GALNT1: variants seen among roughly 807,000 people sequenced by gnomAD.
GALNT1 encodes the protein GalNAc transferase 1.
In GALNT1, 17 loss-of-function variants were observed where a neutral mutation model predicts 65.7. The ratio of observed to expected loss-of-function variants is 0.26; its 90% CI spans 0.18 to 0.39. The LOEUF is 0.39. Among genes scored for constraint, GALNT1 ranks in the 10% least tolerant of loss-of-function variants. The probability of loss-of-function intolerance (pLI) is 1.00; values close to 1 mark genes in which losing one functional copy is unlikely to be tolerated. For synonymous variants in GALNT1, 210 were observed against 219.7 expected (o/e 0.96, Z 0.39); for missense variants, 460 against 672.8 (o/e 0.68, Z 3.50).
At chr18:35,687,289 G>A in intron 6 of GALNT1, 103 bp downstream of exon 6, 1 of 1,086,404 alleles carries the variant, frequency 9.2e-7, no homozygotes, top group Admixed American at 2.2e-5. Context: ...GAAACGTGAA[G>A]CATTCGTATA....
intron 1 of GALNT1, among the ~76,000 whole-genome samples, chr18:35,642,905 G>A (rs58596769): frequency 0.015 from 2,285 of 152,098 alleles, 25 homozygotes; most frequent in African/African-American, 0.026. Flanking sequence ...CCACTCATCT[G>A]TATGTCTCTG....
chr18:35,685,485 A>G (rs1015525736), intron 5 of GALNT1, among the ~76,000 whole-genome samples: 8 of 92,310 alleles, frequency 8.7e-5, no homozygotes, highest in African/African-American at 5.0e-4. Flanking sequence ...AGGATGGCTT[A>G]AAAAAAAAAA....
chr18:35,609,783 A>G (rs1332993946), intron 1 of GALNT1, among the ~76,000 whole-genome samples: 1 of 152,196 alleles, frequency 6.6e-6, no homozygotes, highest in African/African-American at 2.4e-5. Context: ...TTTGCTTAGT[A>G]TTAATACCCT....
At chr18:35,643,197 G>A (rs1396100175) in intron 1 of GALNT1, among the ~76,000 whole-genome samples, 1 of 152,084 alleles carries the variant, frequency 6.6e-6, no homozygotes, top group Non-Finnish European at 1.5e-5. Flanking sequence ...AATATGTGTG[G>A]CATTTTGTCA....
At chr18:35,661,407 G>A (rs1313018844) in intron 2 of GALNT1, among the ~76,000 whole-genome samples, 1 of 151,734 alleles carries the variant, frequency 6.6e-6, no homozygotes, top group Non-Finnish European at 1.5e-5. Context: ...GCTGAGACAG[G>A]ACAATTCGCT....
At chr18:35,697,363 GAGA>G (rs1461428685) in intron 9 of GALNT1, among the ~76,000 whole-genome samples, 1 of 152,180 alleles carries the variant, frequency 6.6e-6, no homozygotes, top group Non-Finnish European at 1.5e-5. Flanking sequence ...AAGTGCTGGG[GAGA>G]AGGAGGTAGA....
At chr18:35,663,831 T>C (rs774732464) in intron 3 of GALNT1, 29 bp downstream of exon 3, 2 of 1,596,470 alleles carry the variant, frequency 1.3e-6, no homozygotes, top group Non-Finnish European at 1.7e-6. Context: ...CCTGATAGTA[T>C]GTGAATGAAA....
intron 6 of GALNT1, 53 bp from the exon 7 acceptor site, chr18:35,689,120 C>CTGAT (rs1389782673): frequency 6.2e-5 from 73 of 1,175,518 alleles, no homozygotes; most frequent in East Asian, 1.9e-4. Context: ...AAAACAAAAA[C>CTGAT]TGATTGATTG....
intron 10 of GALNT1, 28 bp downstream of exon 10, chr18:35,703,023 G>C (rs752670038): frequency 1.5e-6 from 2 of 1,325,336 alleles, no homozygotes; most frequent in South Asian, 2.8e-5. Context: ...CTCTTAAAAG[G>C]GATAATTTTC....
At chr18:35,643,056 A>G (rs1459454384) in intron 1 of GALNT1, among the ~76,000 whole-genome samples, 2 of 152,080 alleles carry the variant, frequency 1.3e-5, no homozygotes, top group Non-Finnish European at 2.9e-5. Flanking sequence ...GCTAGGTCAT[A>G]CTGTGGCCAG....
chr18:35,671,973 A>T (rs528639656), intron 3 of GALNT1, among the ~76,000 whole-genome samples: 1 of 152,260 alleles, frequency 6.6e-6, no homozygotes, highest in South Asian at 2.1e-4. Flanking sequence ...TTCTCAATCT[A>T]TACTCTTATT....
At chr18:35,583,391 G>A (rs1364513341) in intron 1 of GALNT1, among the ~76,000 whole-genome samples, 1 of 152,158 alleles carries the variant, frequency 6.6e-6, no homozygotes, top group Non-Finnish European at 1.5e-5. Context: ...GGTTTGTTTG[G>A]TGCCTCTTAA....
At chr18:35,658,480 C>G (rs988394643) in intron 2 of GALNT1, among the ~76,000 whole-genome samples, 1 of 151,944 alleles carries the variant, frequency 6.6e-6, no homozygotes, top group Non-Finnish European at 1.5e-5. Context: ...TAATAAGCAA[C>G]AGTTTGAAAA....
At chr18:35,598,014 CTCCCCTCCAA>C (rs1167662226) in intron 1 of GALNT1, among the ~76,000 whole-genome samples, 5,466 of 68,082 alleles carry the variant, frequency 0.08, 203 homozygotes, top group Non-Finnish European at 0.1. Flanking sequence ...CTCCCCTCCC[CTCCCCTCCAA>C]TCCCCTCCCA....
chr18:35,644,960 C>T (rs574540837), intron 1 of GALNT1, among the ~76,000 whole-genome samples: 4 of 151,770 alleles, frequency 2.6e-5, no homozygotes, highest in East Asian at 1.9e-4. Flanking sequence ...CACTGCACTC[C>T]GGCCTGGGTG....
At chr18:35,697,363 G>A (rs2048076399) in intron 9 of GALNT1, among the ~76,000 whole-genome samples, 1 of 152,180 alleles carries the variant, frequency 6.6e-6, no homozygotes, top group Non-Finnish European at 1.5e-5. Flanking sequence ...AAGTGCTGGG[G>A]AGAAGGAGGT....
intron 1 of GALNT1, among the ~76,000 whole-genome samples, chr18:35,583,131 T>C (rs1408379469): frequency 2.0e-5 from 3 of 152,190 alleles, no homozygotes; most frequent in Admixed American, 6.5e-5. Flanking sequence ...CCTATTGGAA[T>C]TGACATTTTA....
At chr18:35,633,104 A>T (rs1055005654) in intron 1 of GALNT1, among the ~76,000 whole-genome samples, 2 of 152,190 alleles carry the variant, frequency 1.3e-5, no homozygotes, top group African/African-American at 4.8e-5. Flanking sequence ...TGGGACTGTA[A>T]ACTGGTTCAA....
At chr18:35,632,043 TAAAAG>T (rs2047020610) in intron 1 of GALNT1, among the ~76,000 whole-genome samples, 1 of 152,032 alleles carries the variant, frequency 6.6e-6, no homozygotes, top group South Asian at 2.1e-4. Flanking sequence ...CTCAATGAAA[TAAAAG>T]AGGATACAAA....
Sources: allele counts gnomAD v4.1 joint callset (sites outside exome capture counted in the v4.1 genomes callset), GRCh38; gene constraint gnomAD v4.1.1; transcripts MANE v1.5; gene names NCBI Gene and HGNC (gene_info 2026-07-23, HGNC 2026-07-21).